FAM162A: variants seen among roughly 807,000 people sequenced by gnomAD.
The protein encoded by FAM162A is protein FAM162A.
Under a neutral mutation model 21.8 loss-of-function variants are expected in FAM162A, and 23 were observed. The observed-to-expected ratio is 1.05, with a 90% confidence interval of 0.76 to 1.49. The LOEUF (loss-of-function observed/expected upper bound fraction) is 1.49. Ranked by LOEUF, FAM162A falls within the 40% of genes most tolerant of loss-of-function variation. FAM162A has a pLI of 0.00. For missense variants in FAM162A, 165 were observed against 186.4 expected, an observed-to-expected ratio of 0.89 and a Z score of 0.67; for synonymous variants, 53 against 61.3, an observed-to-expected ratio of 0.86 and a Z score of 0.64.
At chr3:122,402,486 A>G (rs766098418) in intron 1 of FAM162A, among the ~76,000 whole-genome samples, 12 of 152,168 alleles carry the variant, frequency 7.9e-5, no homozygotes, top group Admixed American at 3.3e-4. Context: ...TTGTTATGAT[A>G]AGACACATGT....
rs1405598935 is a variant in FAM162A, at chr3:122,412,116, G to A, written c.*2285G>A. Reference sequence around the variant, plus strand: ...TAGTCCTCAGATTTATCAAGCAAACGAAACTGAATGAGCACTACTATAAGG... The same window carrying A: ...TAGTCCTCAGATTTATCAAGCAAACAAAACTGAATGAGCACTACTATAAGG... On this transcript the variant is annotated 3_prime_UTR_variant, in exon 5 of 5. Transcript: ENST00000477892. 1.3e-5 allele frequency: 2 copies of A among 152,106 alleles called. No homozygotes were observed. Among genetic ancestry groups the A allele is most frequent in the East Asian group, 1.9e-4 (1 of 5,190 alleles). The allele number at this position is 152,106 out of a possible 1,614,324, so 9.4% of individuals were successfully genotyped here. A position where few individuals can be genotyped will look rare whatever the true frequency, so the allele number is the denominator to read the frequency against.
intron 1 of FAM162A, among the ~76,000 whole-genome samples, chr3:122,391,168 C>T (rs548745285): frequency 2.6e-5 from 4 of 152,194 alleles, no homozygotes; most frequent in East Asian, 1.9e-4. Flanking sequence ...CATTTTTTAG[C>T]GATAACTTTT....
rs909510768 is a variant in FAM162A, at chr3:122,399,592, A to T, written c.35-3168A>T. Among the ~76,000 whole-genome samples the T allele has an allele frequency of 3.9e-5, 6 of 152,172 alleles. No homozygotes were observed. In the East Asian group the frequency reaches 1.2e-3, roughly 29 times the overall value. Reference sequence around the variant, plus strand: ...GTGAATAGTGCTGCAGTGAACATACACATTCATGTGTCTTCATGATAGAAC... The same window carrying T: ...GTGAATAGTGCTGCAGTGAACATACTCATTCATGTGTCTTCATGATAGAAC... On this transcript the variant is annotated intron_variant, in intron 1 of 4. Coordinates refer to ENST00000477892, the MANE Select transcript of FAM162A (RefSeq NM_014367.4).
chr3:122,388,925 T>A (rs2075586842), intron 1 of FAM162A, among the ~76,000 whole-genome samples: 1 of 151,836 alleles, frequency 6.6e-6, no homozygotes, highest in African/African-American at 2.4e-5. Context: ...GGTGGGCGCC[T>A]GTAGTCCCAG....
At chr3:122,407,585 C>G in intron 4 of FAM162A, 196 bp downstream of exon 4, 1 of 500,816 alleles carries the variant, frequency 2.0e-6, no homozygotes, top group Non-Finnish European at 3.6e-6. Flanking sequence ...ATAGCAAATC[C>G]TAACTTTGGC....
At chr3:122,403,568 G>GATGGCAT (rs1390699416) in intron 2 of FAM162A, among the ~76,000 whole-genome samples, 1 of 152,184 alleles carries the variant, frequency 6.6e-6, no homozygotes, top group African/African-American at 2.4e-5. Flanking sequence ...AAATGACTCA[G>GATGGCAT]ATGGCATATA....
In FAM162A at chr3:122,409,779, A is replaced by G; in HGVS notation, c.413A>G (p.Glu138Gly). Residue 138 changes from glutamate to glycine, a missense_variant, in exon 5 of 5, where the codon GAA (glutamate) becomes GGA (glycine). By Grantham distance (98) the Glu-to-Gly change is moderately conservative (BLOSUM62 -2). Coordinates refer to ENST00000477892, the MANE Select transcript of FAM162A (RefSeq NM_014367.4). ...RHETLTSLNL[E>G]KKARLKEEAA... ...GAGACTTTAACAAGCTTGAACTTAG[A>G]AAAGAAAGCTCGTCTGAAAGAGGAA... The G allele has an allele frequency of 6.2e-7, 1 of 1,614,154 alleles. No homozygotes were observed. The highest frequency in any genetic ancestry group is 8.5e-7 in the Non-Finnish European group (1 of 1,179,984).
rs766303624 is a variant in FAM162A at position 122,410,229 on chromosome 3, T to C, written c.*398T>C. The C allele has an allele frequency of 6.3e-6, 2 of 319,938 alleles. No homozygotes were observed. Among genetic ancestry groups the C allele is most frequent in the Non-Finnish European group, 1.2e-5 (2 of 165,040 alleles). 19.8% of individuals were successfully genotyped at this position (319,938 alleles called of 1,614,324 possible). A position where few individuals can be genotyped will look rare whatever the true frequency, so the allele number is the denominator to read the frequency against. The stretch of plus-strand genomic sequence containing the variant: ...GGTGCAGCTTGGAGGGCCAGCCTTC[T>C]CAAATGTCCTGGTGTACTGGTGGGG... On this transcript the variant is annotated 3_prime_UTR_variant, in exon 5 of 5. Coordinates refer to ENST00000477892, the MANE Select transcript of FAM162A (RefSeq NM_014367.4).
At chr3:122,406,871 A>G (rs1430873548) in intron 3 of FAM162A, among the ~76,000 whole-genome samples, 2 of 152,234 alleles carry the variant, frequency 1.3e-5, no homozygotes, top group Admixed American at 6.5e-5. Context: ...ACTACATCAC[A>G]TAATGTCTTC....
At chr3:122,392,365 C>T (rs1055342611) in intron 1 of FAM162A, among the ~76,000 whole-genome samples, 4 of 152,150 alleles carry the variant, frequency 2.6e-5, no homozygotes, top group Non-Finnish European at 5.9e-5. Context: ...CACATTAAAC[C>T]AGTGGTTCTC....
chr3:122,388,069 C>T (rs2075582830), intron 1 of FAM162A, among the ~76,000 whole-genome samples: 1 of 152,162 alleles, frequency 6.6e-6, no homozygotes, highest in South Asian at 2.1e-4. Flanking sequence ...GGAGAAGTAA[C>T]ACAAGAAACA....
chr3:122,404,328 C>T lies in FAM162A; in HGVS notation c.228C>T (p.Arg76=). 6.2e-7 allele frequency: 1 copy of T among 1,605,510 alleles called. No homozygotes were observed. The highest frequency in any genetic ancestry group is 8.5e-7 in the Non-Finnish European group (1 of 1,175,772). The stretch of plus-strand genomic sequence containing the variant: ...AAAAGATCCTCATATGGTCAGGTCG[C>T]TTCAAAAAGGAAGATGAAATCCCAG... ...WQKKILIWSG[R]FKKEDEIPET... is the part of the protein sequence containing the mutation. The change falls in exon 3 of 5, where the codon CGC becomes CGT. Residue 76 remains arginine (R), a synonymous_variant. Transcript: ENST00000477892.
Position 122,404,331 on chromosome 3 carries a change from C to G in FAM162A, c.231C>G (p.Phe77Leu), listed in dbSNP as rs777463955. The change falls in exon 3 of 5, where the codon TTC becomes TTG. Residue 77 changes from phenylalanine (F) to leucine (L), a missense_variant. By Grantham distance (22) the Phe-to-Leu change is conservative. Coordinates refer to ENST00000477892, the MANE Select transcript of FAM162A (RefSeq NM_014367.4). Reference sequence around the variant, plus strand: ...AGATCCTCATATGGTCAGGTCGCTTCAAAAAGGAAGATGAAATCCCAGAGA... The same window carrying G: ...AGATCCTCATATGGTCAGGTCGCTTGAAAAAGGAAGATGAAATCCCAGAGA... The part of the protein sequence containing the change: ...QKKILIWSGR[F>L]KKEDEIPETV... The G allele has an allele frequency of 1.2e-6, 2 of 1,604,958 alleles. No individual in the cohort carries two copies. The highest frequency in any genetic ancestry group is 2.2e-5 in the South Asian group (2 of 89,756).
At chr3:122,396,253 A>G (rs1212409712) in intron 1 of FAM162A, among the ~76,000 whole-genome samples, 2 of 152,174 alleles carry the variant, frequency 1.3e-5, no homozygotes, top group Admixed American at 6.6e-5. Flanking sequence ...GGGAGACTAT[A>G]TTTGCAAAGT....
At chr3:122,394,703 A>C (rs1192952849) in intron 1 of FAM162A, among the ~76,000 whole-genome samples, 1 of 152,218 alleles carries the variant, frequency 6.6e-6, no homozygotes, top group Non-Finnish European at 1.5e-5. Flanking sequence ...ATTCTACCAA[A>C]CATTTAAAGA....
At chr3:122,404,980 G>A (rs1032116634) in intron 3 of FAM162A, among the ~76,000 whole-genome samples, 3 of 152,096 alleles carry the variant, frequency 2.0e-5, no homozygotes, top group Non-Finnish European at 2.9e-5. Context: ...CAGCATCCCC[G>A]GCTTCTGCCC....
intron 1 of FAM162A, among the ~76,000 whole-genome samples, chr3:122,396,896 T>TATAAA (rs1234039646): frequency 6.6e-6 from 1 of 152,108 alleles, no homozygotes; most frequent in Non-Finnish European, 1.5e-5. Context: ...ATTCCATTTA[T>TATAAA]ATAAAATGTC....
chr3:122,393,146 C>T (rs1411878042), intron 1 of FAM162A, among the ~76,000 whole-genome samples: 2 of 152,108 alleles, frequency 1.3e-5, no homozygotes, highest in Admixed American at 6.5e-5. Context: ...CCCTAGAAAA[C>T]AAAATAAATG....
intron 1 of FAM162A, among the ~76,000 whole-genome samples, chr3:122,386,799 A>G (rs938332750): frequency 6.6e-6 from 1 of 152,198 alleles, no homozygotes; most frequent in African/African-American, 2.4e-5. Flanking sequence ...GTAGTTGTAG[A>G]TACAGATCAG....
Sources: gnomAD v4.1 joint callset for allele counts (sites outside exome capture counted in the v4.1 genomes callset) on GRCh38, gnomAD v4.1.1 for gene constraint, MANE v1.5 for transcripts, NCBI Gene and HGNC (gene_info 2026-07-23, HGNC 2026-07-21) for gene names.